Variants in NR2C1 observed in about 807,000 individuals in gnomAD.
The protein encoded by NR2C1 is nuclear receptor subfamily 2 group C member 1, also known as TR2 nuclear hormone receptor.
A neutral mutation model predicts 74.8 loss-of-function variants in NR2C1; 33 were observed. The observed-to-expected ratio is 0.44, with a 90% CI of 0.33 to 0.59. The LOEUF is 0.59. Ranked by LOEUF, NR2C1 falls within the 20% of genes least tolerant of loss-of-function variation. The pLI, the probability that NR2C1 is intolerant of heterozygous loss-of-function variation, is 0.02. For missense variants in NR2C1, 568 were observed against 715.6 expected (o/e 0.79, Z 2.35); for synonymous variants, 225 against 240.6 (o/e 0.94, Z 0.60).
intron 4 of NR2C1, 51 bp downstream of exon 4, chr12:95,059,855 A>G (rs1592782129): frequency 2.3e-6 from 3 of 1,297,620 alleles, no homozygotes; most frequent in Non-Finnish European, 3.2e-6. Flanking sequence ...CACGACACAT[A>G]TAGGAGGTTA....
intron 2 of NR2C1, among the ~76,000 whole-genome samples, chr12:95,064,695 G>C (rs1176464424): frequency 6.6e-6 from 1 of 152,112 alleles, no homozygotes; most frequent in Non-Finnish European, 1.5e-5. Context: ...TCAGCATTGA[G>C]AGTTTCTGTT....
At chr12:95,062,427 TAAA>T (rs1201262511) in intron 3 of NR2C1, 78 bp downstream of exon 3, 2 of 905,698 alleles carry the variant, frequency 2.2e-6, no homozygotes, top group African/African-American at 3.4e-5. Flanking sequence ...TACATAGATC[TAAA>T]GTCTTCATGG....
intron 13 of NR2C1, among the ~76,000 whole-genome samples, chr12:95,023,983 C>G (rs999819647): frequency 5.9e-5 from 9 of 152,076 alleles, no homozygotes; most frequent in African/African-American, 2.2e-4. Context: ...AGACCAGCAG[C>G]CCCCAGGATT....
intron 9 of NR2C1, among the ~76,000 whole-genome samples, chr12:95,043,459 C>T (rs575645773): frequency 2.2e-4 from 34 of 152,112 alleles, no homozygotes; most frequent in African/African-American, 7.7e-4. Context: ...GAGGCCAGGG[C>T]AGGCAGATCA....
intron 1 of NR2C1, 30 bp from the exon 2 acceptor site, chr12:95,067,421 T>A: frequency 6.8e-7 from 1 of 1,472,036 alleles, no homozygotes; most frequent in Non-Finnish European, 9.5e-7. Context: ...GTTTTATAAT[T>A]AAACTCACAA....
chr12:95,042,702 A>G (rs944186173), intron 9 of NR2C1, among the ~76,000 whole-genome samples: 10 of 152,222 alleles, frequency 6.6e-5, no homozygotes, highest in African/African-American at 2.2e-4. Flanking sequence ...ACAAAAGGGC[A>G]ATTAATAGTT....
At chr12:95,063,253 C>G (rs776051624) in intron 2 of NR2C1, among the ~76,000 whole-genome samples, 1 of 152,238 alleles carries the variant, frequency 6.6e-6, no homozygotes, top group South Asian at 2.1e-4. Flanking sequence ...AAGAAACAGA[C>G]CAAGGCTTAG....
intron 7 of NR2C1, among the ~76,000 whole-genome samples, chr12:95,057,287 T>G (rs1340245689): frequency 1.3e-5 from 2 of 151,812 alleles, no homozygotes; most frequent in Non-Finnish European, 2.9e-5. Context: ...CCATTTTTAC[T>G]GGAGACGGGG....
chr12:95,047,087 C>T (rs1872409170), intron 9 of NR2C1, among the ~76,000 whole-genome samples: 1 of 152,178 alleles, frequency 6.6e-6, no homozygotes, highest in African/African-American at 2.4e-5. Context: ...AGGTAAACTA[C>T]CCCTACTTTC....
intron 7 of NR2C1, among the ~76,000 whole-genome samples, chr12:95,054,873 T>G (rs1347679041): frequency 6.6e-6 from 1 of 152,158 alleles, no homozygotes; most frequent in African/African-American, 2.4e-5. Context: ...AACAAAGGTC[T>G]CTAGTTTTCC....
intron 7 of NR2C1, among the ~76,000 whole-genome samples, chr12:95,055,687 C>A (rs1873727931): frequency 6.6e-6 from 1 of 152,172 alleles, no homozygotes; most frequent in Non-Finnish European, 1.5e-5. Context: ...GGCGCAGTGG[C>A]TCACGCCTGT....
rs1307543696 is a variant in NR2C1 at position 95,049,220 on chromosome 12, G to A, written c.979C>T (p.Leu327Phe). The A allele has an allele frequency of 1.2e-6, 2 of 1,613,826 alleles. No homozygotes were observed. The highest frequency in any genetic ancestry group is 2.2e-5 in the South Asian group (2 of 91,016). ...NGDVSRAFDT[L>F]AKALNPGEST... ...TCTCCAGGATTCAATGCTTTTGCAA[G>A]AGTGTCAAATGCCCTGTATGAAGAC... Residue 327 changes from leucine (L) to phenylalanine (F), a missense_variant, in exon 9 of 14, where the codon CTT becomes TTT. Transcript: ENST00000333003.
chr12:95,058,340 T>G lies in NR2C1; in HGVS notation c.514A>C (p.Arg172=). 1 of 1,613,300 alleles carries G rather than the reference T, an allele frequency of 6.2e-7. No individual in the cohort carries two copies. Among genetic ancestry groups the G allele is most frequent in the South Asian group, 1.1e-5 (1 of 91,032 alleles). Residue 172 remains arginine, a synonymous_variant, in exon 5 of 14, where the codon AGA becomes CGA. Coordinates refer to ENST00000333003, the MANE Select transcript of NR2C1 (RefSeq NM_003297.4). ...RNRCQYCRLQ[R]CIAFGMKQDS... is the part of the protein sequence containing the mutation. ...TGCTTCATTCCAAACGCAATACATC[T>G]CTGTAACCTGCAGTATTGACAGCGG...
At chr12:95,034,080 A>G (rs1259589432) in intron 10 of NR2C1, among the ~76,000 whole-genome samples, 1 of 152,240 alleles carries the variant, frequency 6.6e-6, no homozygotes, top group Non-Finnish European at 1.5e-5. Context: ...CAGTATGTTT[A>G]ACAGAAATCA....
intron 11 of NR2C1, among the ~76,000 whole-genome samples, chr12:95,029,512 CAACA>C (rs1163624077): frequency 6.7e-6 from 1 of 149,470 alleles, no homozygotes; most frequent in African/African-American, 2.5e-5. Flanking sequence ...TTAAAAAAAA[CAACA>C]AACCAAACAA....
intron 10 of NR2C1, among the ~76,000 whole-genome samples, chr12:95,035,425 A>G (rs1046871260): frequency 6.6e-6 from 1 of 152,232 alleles, no homozygotes; most frequent in Non-Finnish European, 1.5e-5. Flanking sequence ...ACAGCTAACC[A>G]AAGTAGTTTG....
chr12:95,069,625 G>A (rs1296127140), intron 1 of NR2C1, among the ~76,000 whole-genome samples: 1 of 152,110 alleles, frequency 6.6e-6, no homozygotes, highest in Admixed American at 6.6e-5. Flanking sequence ...GCTTTTCTCA[G>A]AACACATCCC....
intron 7 of NR2C1, among the ~76,000 whole-genome samples, 163 bp from the exon 8 acceptor site, chr12:95,052,106 CA>C (rs1271969039): frequency 1.3e-5 from 2 of 150,654 alleles, no homozygotes; most frequent in African/African-American, 4.9e-5. Flanking sequence ...GAGGAAAATA[CA>C]AGTTTAAAAA....
intron 11 of NR2C1, 47 bp from the exon 12 acceptor site, chr12:95,028,571 AC>A: frequency 7.9e-7 from 1 of 1,273,668 alleles, no homozygotes; most frequent in Non-Finnish European, 1.1e-6. Flanking sequence ...TCTAAAATGA[AC>A]AACTACTTTC....
Sources: gnomAD v4.1 joint callset for allele counts (sites outside exome capture counted in the v4.1 genomes callset) on GRCh38, gnomAD v4.1.1 for gene constraint, MANE v1.5 for transcripts, NCBI Gene and HGNC (gene_info 2026-07-23, HGNC 2026-07-21) for gene names.